NACC2: variants seen among roughly 807,000 people sequenced by gnomAD.
NACC2 encodes the protein NACC family member 2, also known as nucleus accumbens-associated protein 2.
Under a neutral mutation model 25.1 loss-of-function variants are expected in NACC2, and 8 were observed. The observed-to-expected ratio is 0.32, with a 90% CI of 0.19 to 0.57. The LOEUF (loss-of-function observed/expected upper bound fraction) is 0.57. NACC2 is among the 20% of genes least tolerant of loss of function. The pLI is 0.89. For synonymous variants in NACC2, 435 were observed against 294.7 expected (o/e 1.48, Z -4.88); for missense variants, 644 against 650.2 (o/e 0.99, Z 0.10).
chr9:136,095,002 T>G (rs1319751288), intron 1 of NACC2, among the ~76,000 whole-genome samples, 187 bp downstream of exon 1: 3 of 145,420 alleles, frequency 2.1e-5, no homozygotes, highest in Non-Finnish European at 4.6e-5. Context: ...CGAGGCCGGT[T>G]CCCGCGCGCA....
chr9:136,017,809 A>T (rs1588557676), intron 2 of NACC2, among the ~76,000 whole-genome samples: 2 of 43,590 alleles, frequency 4.6e-5, no homozygotes, highest in Admixed American at 4.6e-4. Flanking sequence ...TTCACTAGGG[A>T]ATCAATCCCA....
intron 2 of NACC2, among the ~76,000 whole-genome samples, chr9:136,024,013 C>G (rs957582485): frequency 2.0e-5 from 3 of 152,230 alleles, no homozygotes; most frequent in African/African-American, 7.2e-5. Flanking sequence ...GGGATGTGTG[C>G]CAGCTGTGAG....
At position 136,055,194 on chromosome 9, in the gene NACC2, C is replaced by T. The variant is rs1173494882; in HGVS notation, c.-59-4614G>A. ...AACCTGCCGATGGGTGAGAGGAGCC[C>T]GCGGGGAGGACAGGGGCTCACTGGA... On this transcript the variant is annotated intron_variant, in intron 1 of 5. Coordinates refer to ENST00000277554, the MANE Select transcript of NACC2 (RefSeq NM_144653.5). The surrounding 1 kb of genome is among the most constrained non-coding windows in gnomAD (Gnocchi z 4.9). 6.6e-6 allele frequency among the ~76,000 whole-genome samples: 1 copy of T among 152,114 alleles called. No homozygotes were observed. Among genetic ancestry groups the T allele is most frequent in the African/African-American group, 2.4e-5 (1 of 41,442 alleles).
At position 136,049,656 on chromosome 9, in the gene NACC2, T is replaced by C; in HGVS notation, c.866A>G (p.Lys289Arg). 1 of 777,896 alleles carries C rather than the reference T, an allele frequency of 1.3e-6. No individual in the cohort carries two copies. The highest frequency in any genetic ancestry group is 2.4e-6 in the Non-Finnish European group (1 of 416,872). The allele number at this position is 777,896 out of a possible 1,614,324, so 48.2% of individuals were successfully genotyped here. The change falls in exon 2 of 6, where the codon AAG becomes AGG. Residue 289 changes from lysine (K) to arginine (R), a missense_variant. Physicochemically the swap from Lys to Arg is conservative, Grantham distance 26. Coordinates refer to ENST00000277554, the MANE Select transcript of NACC2 (RefSeq NM_144653.5). ...VEEQYGQMYI[K>R]ASGSYAVQEK... Reference sequence around the variant, plus strand: ...GTTACCTGCATAGCTGCCGGAGGCCTTGATGTACATCTGGCCGTACTGCTC... The same window carrying C: ...GTTACCTGCATAGCTGCCGGAGGCCCTGATGTACATCTGGCCGTACTGCTC...
Position 136,050,154 on chromosome 9 carries a change from A to C in NACC2, c.368T>G (p.Val123Gly). ...CTGCGAGTCGCAGTGGGGCGAGCTCACCTTGAACATGAGGTCGGTGCCGCG... is the reference window on the plus strand; with the variant it reads ...CTGCGAGTCGCAGTGGGGCGAGCTCCCCTTGAACATGAGGTCGGTGCCGCG... ...VERGTDLMFK[V>G]SSPHCDSQTA... is the part of the protein sequence containing the mutation. The change falls in exon 2 of 6, where the codon GTG becomes GGG. Residue 123 changes from valine to glycine, a missense_variant. By Grantham distance (109) the Val-to-Gly change is moderately radical (BLOSUM62 -3). Coordinates refer to ENST00000277554, the MANE Select transcript of NACC2 (RefSeq NM_144653.5). The C allele has an allele frequency of 1.3e-6, 1 of 768,946 alleles. No homozygotes were observed. The highest frequency in any genetic ancestry group is 2.4e-6 in the Non-Finnish European group (1 of 414,920). The allele number at this position is 768,946 out of a possible 1,614,324, so 47.6% of individuals were successfully genotyped here.
Position 136,049,880 on chromosome 9 carries a change from G to C in NACC2, c.642C>G (p.Ala214=), listed in dbSNP as rs1353510850. 6.6e-6 allele frequency: 4 copies of C among 608,692 alleles called. No individual in the cohort carries two copies. Among genetic ancestry groups the C allele is most frequent in the Non-Finnish European group, 9.0e-6 (3 of 334,164 alleles). 37.7% of individuals were successfully genotyped at this position (608,692 alleles called of 1,614,324 possible). ...AGGAGACACGGGGCAGTTTGAGAGG[G>C]GCTGTGCCCGCCGCCACCGCAGCCC... ...AAGAAVAAGT[A]PLKLPRVSYY... is the part of the protein sequence containing the mutation. Residue 214 remains alanine (A), a synonymous_variant, in exon 2 of 6, where the codon GCC becomes GCG. Coordinates refer to ENST00000277554, the MANE Select transcript of NACC2 (RefSeq NM_144653.5).
At position 136,084,900 on chromosome 9, in the gene NACC2, G is replaced by C. The variant is rs1830362819; in HGVS notation, c.-60+10289C>G. ...GGAAGCAGGCCTACAGAGACAGGAA[G>C]TAGAAAGGTGCCTGCCAGGGGCTGG... On this transcript the variant is annotated intron_variant, in intron 1 of 5. Coordinates refer to ENST00000277554, the MANE Select transcript of NACC2 (RefSeq NM_144653.5). This position sits in a 1 kb window ranked among gnomAD's most constrained non-coding sequence, Gnocchi z 5.1. 6.6e-6 allele frequency among the ~76,000 whole-genome samples: 1 copy of C among 152,182 alleles called. No individual in the cohort carries two copies. Among genetic ancestry groups the C allele is most frequent in the African/African-American group, 2.4e-5 (1 of 41,426 alleles).
intron 1 of NACC2, among the ~76,000 whole-genome samples, chr9:136,068,022 T>C (rs1841108034): frequency 6.6e-6 from 1 of 152,094 alleles, no homozygotes; most frequent in Non-Finnish European, 1.5e-5. Context: ...AAATATAGGA[T>C]AAAAGATTAA....
At chr9:136,051,482 G>T (rs1347743216) in intron 1 of NACC2, among the ~76,000 whole-genome samples, 2 of 152,200 alleles carry the variant, frequency 1.3e-5, no homozygotes, top group African/African-American at 4.8e-5. Context: ...AGCTGGGGAG[G>T]GCGCCGCTGT....
intron 2 of NACC2, among the ~76,000 whole-genome samples, chr9:136,044,943 G>A (rs1207019140): frequency 6.6e-6 from 1 of 152,182 alleles, no homozygotes; most frequent in African/African-American, 2.4e-5. Context: ...TGCTGACCTT[G>A]CAGGTCACCC....
chr9:136,049,775 T>A lies in NACC2; in HGVS notation c.747A>T (p.Pro249=), dbSNP rs1347422018. 2.6e-6 allele frequency: 2 copies of A among 774,550 alleles called. No individual in the cohort carries two copies. The highest frequency in any genetic ancestry group is 3.4e-5 in the African/African-American group (2 of 58,970). 48.0% of individuals were successfully genotyped at this position (774,550 alleles called of 1,614,324 possible). A position where few individuals can be genotyped will look rare whatever the true frequency, so the allele number is the denominator to read the frequency against. The change falls in exon 2 of 6, where the codon CCA becomes CCT. Residue 249 remains proline (P), a synonymous_variant. Coordinates refer to ENST00000277554, the MANE Select transcript of NACC2 (RefSeq NM_144653.5). The part of the protein sequence containing the change: ...MPYPQGERTS[P]GASSLPTTDS... Reference sequence around the variant, plus strand: ...CGGTGGTGGGCAGGCTGCTGGCGCCTGGACTGGTCCGCTCCCCCTGGGGGT... The same window carrying A: ...CGGTGGTGGGCAGGCTGCTGGCGCCAGGACTGGTCCGCTCCCCCTGGGGGT...
chr9:136,054,259 G>A (rs1043825415), intron 1 of NACC2, among the ~76,000 whole-genome samples: 8 of 152,174 alleles, frequency 5.3e-5, no homozygotes, highest in Admixed American at 5.2e-4. Context: ...AGGGCTGGGG[G>A]ACAGACCAGC....
At chr9:136,083,691 C>T (rs1830349245) in intron 1 of NACC2, among the ~76,000 whole-genome samples, 1 of 152,224 alleles carries the variant, frequency 6.6e-6, no homozygotes, top group Admixed American at 6.5e-5. Context: ...GCGGGGGCCC[C>T]GAGACACTGT....
At chr9:136,041,604 G>A (rs1370802116) in intron 2 of NACC2, among the ~76,000 whole-genome samples, 4 of 152,096 alleles carry the variant, frequency 2.6e-5, no homozygotes, top group South Asian at 2.1e-4. Flanking sequence ...AAGGGAATAC[G>A]GGGAAATAGA....
At chr9:136,039,411 G>C (rs1221935900) in intron 2 of NACC2, among the ~76,000 whole-genome samples, 3 of 152,176 alleles carry the variant, frequency 2.0e-5, no homozygotes, top group African/African-American at 7.2e-5. Context: ...GGTAAGACAA[G>C]TTTATCAAAC....
At chr9:136,025,860 A>G (rs895341067) in intron 2 of NACC2, among the ~76,000 whole-genome samples, 1 of 152,176 alleles carries the variant, frequency 6.6e-6, no homozygotes, top group Non-Finnish European at 1.5e-5. Flanking sequence ...GGTTGCAGTG[A>G]GCTGAGATTG....
In NACC2 at chr9:136,019,961, C is replaced by G. The variant is rs1224589055; in HGVS notation, c.887-3532G>C. 1.3e-5 allele frequency among the ~76,000 whole-genome samples: 2 copies of G among 150,990 alleles called. No homozygotes were observed. The highest frequency in any genetic ancestry group is 2.9e-5 in the Non-Finnish European group (2 of 67,844). On this transcript the variant is annotated intron_variant, in intron 2 of 5. Transcript: ENST00000277554. The surrounding 1 kb of genome is among the most constrained non-coding windows in gnomAD (Gnocchi z 5.2). ...GCGGCCCCCAGAGTCGTCAGGTCCA[C>G]AGAGGCGGGAAACAGAGGGTGGGTG... is the stretch of plus-strand genomic sequence containing the variant.
chr9:136,006,681 G>C lies in NACC2; in HGVS notation c.*4835C>G, dbSNP rs879614990. The C allele has an allele frequency of 4.6e-5, 7 of 152,096 alleles. No homozygotes were observed. The East Asian group carries it at 7.7e-4, about 17-fold the overall frequency. 9.4% of individuals were successfully genotyped at this position (152,096 alleles called of 1,614,324 possible). A position where few individuals can be genotyped will look rare whatever the true frequency, so the allele number is the denominator to read the frequency against. On this transcript the variant is annotated 3_prime_UTR_variant, in exon 6 of 6. Coordinates refer to ENST00000277554, the MANE Select transcript of NACC2 (RefSeq NM_144653.5). Reference sequence around the variant, plus strand: ...CTTGAAGCCCTCGGTTTCCCTGTTCGCTTTTGAATGTTTCAGTTTTAGTTA... The same window carrying C: ...CTTGAAGCCCTCGGTTTCCCTGTTCCCTTTTGAATGTTTCAGTTTTAGTTA...
At chr9:136,017,749 C>T (rs373702627) in intron 2 of NACC2, among the ~76,000 whole-genome samples, 1 of 152,206 alleles carries the variant, frequency 6.6e-6, no homozygotes, top group Non-Finnish European at 1.5e-5. Context: ...TTCCTGTGTC[C>T]CAGCACAAAA....
Sources: allele counts gnomAD v4.1 joint callset (sites outside exome capture counted in the v4.1 genomes callset), GRCh38; gene constraint gnomAD v4.1.1; non-coding constraint Gnocchi (gnomAD v3.1); transcripts MANE v1.5; gene names NCBI Gene and HGNC (gene_info 2026-07-23, HGNC 2026-07-21).